The following ADGRB3 variants were observed in gnomAD, a reference collection of about 807,000 sequenced individuals.
ADGRB3 encodes brain-specific angiogenesis inhibitor 3.
ADGRB3 carries 37 observed loss-of-function variants against 193.4 expected under a neutral mutation model. The ratio of observed to expected loss-of-function variants is 0.19; its 90% CI spans 0.15 to 0.25. The LOEUF is 0.25. Among genes scored for constraint, ADGRB3 ranks in the 10% least tolerant of loss-of-function variants. The pLI, the probability that ADGRB3 is intolerant of heterozygous loss-of-function variation, is 1.00. For missense variants in ADGRB3, 1,637 were observed against 1,852.9 expected (o/e 0.88, Z 2.14); for synonymous variants, 690 against 644.2 (o/e 1.07, Z -1.08).
At chr6:68,716,229 C>T (rs1385412674) in intron 3 of ADGRB3, among the ~76,000 whole-genome samples, 1 of 151,590 alleles carries the variant, frequency 6.6e-6, no homozygotes, top group Non-Finnish European at 1.5e-5. Context: ...GGAGTTGATC[C>T]ATTCAGCTGC....
At chr6:69,368,992 T>C in intron 29 of ADGRB3, among the ~76,000 whole-genome samples, 1 of 152,112 alleles carries the variant, frequency 6.6e-6, no homozygotes, top group East Asian at 1.9e-4. Context: ...ATTATTTACG[T>C]TAGGTTATTT....
At chr6:69,216,485 T>G (rs1736165173) in intron 17 of ADGRB3, among the ~76,000 whole-genome samples, 1 of 152,018 alleles carries the variant, frequency 6.6e-6, no homozygotes. Flanking sequence ...GAAGCACAAA[T>G]GTAAATAAGG....
chr6:69,162,634 A>G (rs1308947958), intron 17 of ADGRB3, among the ~76,000 whole-genome samples: 1 of 152,118 alleles, frequency 6.6e-6, no homozygotes, highest in Non-Finnish European at 1.5e-5. Flanking sequence ...TCAAGGACAC[A>G]ATAACTTAAA....
Position 69,105,550 on chromosome 6 carries a change from A to G in ADGRB3, c.2480+29512A>G, listed in dbSNP as rs542737332. On this transcript the variant is annotated intron_variant, in intron 17 of 31. Transcript: ENST00000370598. Reference sequence around the variant, plus strand: ...CTTGCCAGCTGTCTAGTCCAAGCTCATAATTTATCTCTTTCTCTTACCTCT... The same window carrying G: ...CTTGCCAGCTGTCTAGTCCAAGCTCGTAATTTATCTCTTTCTCTTACCTCT... Among the ~76,000 whole-genome samples the G allele has an allele frequency of 2.0e-5, 3 of 152,262 alleles. No individual in the cohort carries two copies. The East Asian group carries it at 5.8e-4, about 29-fold the overall frequency.
intron 13 of ADGRB3, among the ~76,000 whole-genome samples, chr6:69,044,428 C>T (rs1009754304): frequency 5.3e-5 from 8 of 152,162 alleles, no homozygotes; most frequent in Non-Finnish European, 1.2e-4. Flanking sequence ...TCATTATTTC[C>T]CTCAGGGAAA....
chr6:69,072,882 A>C (rs1772116815), intron 16 of ADGRB3, among the ~76,000 whole-genome samples: 1 of 152,224 alleles, frequency 6.6e-6, no homozygotes, highest in South Asian at 2.1e-4. Flanking sequence ...GCTATATGAA[A>C]AATTCAGGTA....
At chr6:68,912,523 T>C (rs1249631485) in intron 3 of ADGRB3, among the ~76,000 whole-genome samples, 1 of 151,938 alleles carries the variant, frequency 6.6e-6, no homozygotes, top group Non-Finnish European at 1.5e-5. Context: ...CCCCGCTCCC[T>C]CCACCCCACA....
chr6:68,900,722 T>C (rs1009696346), intron 3 of ADGRB3, among the ~76,000 whole-genome samples: 9 of 152,044 alleles, frequency 5.9e-5, no homozygotes, highest in African/African-American at 2.2e-4. Flanking sequence ...GAGTGCCCCA[T>C]TTACCAGCCT....
intron 4 of ADGRB3, among the ~76,000 whole-genome samples, chr6:68,932,744 A>C (rs1039403518): frequency 2.0e-5 from 3 of 151,788 alleles, no homozygotes; most frequent in South Asian, 2.1e-4. Flanking sequence ...ACATATAAAT[A>C]ATATAAAATT....
At chr6:69,144,876 G>GTTCTTTCTTTCTTTCT (rs1274168235) in intron 17 of ADGRB3, among the ~76,000 whole-genome samples, 12,261 of 139,104 alleles carry the variant, frequency 0.088, 692 homozygotes, top group East Asian at 0.14. Flanking sequence ...TTGTTTGAGT[G>GTTCTTTCTTTCTTTCT]TTCTTTCTTT....
intron 3 of ADGRB3, among the ~76,000 whole-genome samples, chr6:68,724,938 T>C (rs1323393677): frequency 6.6e-6 from 1 of 151,670 alleles, no homozygotes; most frequent in African/African-American, 2.4e-5. Flanking sequence ...TTTCTAGAAC[T>C]GTCTTAATGT....
intron 20 of ADGRB3, among the ~76,000 whole-genome samples, chr6:69,315,751 A>T (rs749308633): frequency 1.3e-4 from 19 of 151,410 alleles, no homozygotes; most frequent in Non-Finnish European, 2.2e-4. Context: ...ATGTATTCTT[A>T]ATTTATTTAT....
intron 5 of ADGRB3, among the ~76,000 whole-genome samples, chr6:68,943,451 A>G (rs1302680434): frequency 1.3e-5 from 2 of 152,022 alleles, no homozygotes; most frequent in Non-Finnish European, 2.9e-5. Context: ...TAAAAACTGA[A>G]CTCTAGGAGA....
Position 69,087,763 on chromosome 6 carries a change from A to G in ADGRB3, c.2480+11725A>G, listed in dbSNP as rs182008063. Among the ~76,000 whole-genome samples the G allele has an allele frequency of 3.0e-3, 456 of 152,376 alleles. 1 individual carries two copies. Among genetic ancestry groups the G allele is most frequent in the Admixed American group, 5.0e-3 (76 of 15,302 alleles). On this transcript the variant is annotated intron_variant, in intron 17 of 31. Coordinates refer to ENST00000370598, the MANE Select transcript of ADGRB3 (RefSeq NM_001704.3). ...TTGGAAAATATCTTAGACAACTGGC[A>G]TGTATTGCAGCTAAAAGAAATACAA...
At chr6:68,939,424 A>G (rs1484527712) in intron 5 of ADGRB3, among the ~76,000 whole-genome samples, 2 of 152,134 alleles carry the variant, frequency 1.3e-5, no homozygotes, top group African/African-American at 4.8e-5. Flanking sequence ...TCACCTTTAT[A>G]TGCATGAAGT....
chr6:68,769,917 T>C (rs1204483833), intron 3 of ADGRB3, among the ~76,000 whole-genome samples: 1 of 152,124 alleles, frequency 6.6e-6, no homozygotes. Flanking sequence ...CTGATGAATT[T>C]TCCAAATTGT....
intron 3 of ADGRB3, among the ~76,000 whole-genome samples, chr6:68,839,993 C>G (rs1044224283): frequency 6.6e-6 from 1 of 152,052 alleles, no homozygotes; most frequent in Non-Finnish European, 1.5e-5. Flanking sequence ...TGGCAGGTGC[C>G]CATAGAAGCA....
intron 3 of ADGRB3, among the ~76,000 whole-genome samples, chr6:68,785,977 A>G (rs531040261): frequency 4.0e-5 from 6 of 151,792 alleles, no homozygotes; most frequent in South Asian, 2.1e-4. Context: ...GTCTGTTCAT[A>G]TCCTTTGCCC....
chr6:69,095,968 A>G (rs1321377286), intron 17 of ADGRB3, among the ~76,000 whole-genome samples: 1 of 152,214 alleles, frequency 6.6e-6, no homozygotes, highest in Non-Finnish European at 1.5e-5. Flanking sequence ...AATGAGCAAT[A>G]ATCTAATGTA....
Sources: gnomAD v4.1 joint callset for allele counts (sites outside exome capture counted in the v4.1 genomes callset) on GRCh38, gnomAD v4.1.1 for gene constraint, MANE v1.5 for transcripts, NCBI Gene and HGNC (gene_info 2026-07-23, HGNC 2026-07-21) for gene names.